CDC42BPA: variants seen among roughly 807,000 people sequenced by gnomAD.
CDC42BPA encodes the protein CDC42 binding protein kinase alpha.
Under a neutral mutation model 223.5 loss-of-function variants are expected in CDC42BPA, and 80 were observed. That is an observed-to-expected ratio of 0.36 (90% CI 0.30 to 0.43). The LOEUF is 0.43. CDC42BPA is among the 20% of genes least tolerant of loss of function. The pLI is 1.00. For missense variants in CDC42BPA, 1,743 were observed against 2,099.9 expected (o/e 0.83, Z 3.32); for synonymous variants, 694 against 718.6 (o/e 0.97, Z 0.55).
At chr1:227,136,628 T>C (rs1287796033) in intron 10 of CDC42BPA, among the ~76,000 whole-genome samples, 3 of 152,166 alleles carry the variant, frequency 2.0e-5, no homozygotes, top group Non-Finnish European at 4.4e-5. Flanking sequence ...GTTAAGGACA[T>C]AATACTGAAA....
chr1:227,069,614 A>G, intron 21 of CDC42BPA, 163 bp downstream of exon 21: 1 of 493,942 alleles, frequency 2.0e-6, no homozygotes, highest in South Asian at 3.6e-5. Context: ...TAGTCTCCAT[A>G]AGAATGCAGA....
intron 1 of CDC42BPA, among the ~76,000 whole-genome samples, chr1:227,295,744 GGA>G (rs1224627843): frequency 6.6e-6 from 1 of 152,214 alleles, no homozygotes; most frequent in Non-Finnish European, 1.5e-5. Flanking sequence ...GGCCATCCTT[GGA>G]GTATGGCCCT....
chr1:227,034,765 C>A lies in CDC42BPA; in HGVS notation c.3366G>T (p.Gly1122=), dbSNP rs776659038. ...RIPKPAGVKK[G]WQRALAIVCD... is the part of the protein sequence containing the mutation. Reference sequence around the variant, plus strand: ...ACACTATAGCCAGTGCTCTCTGCCACCCTTTCTTCACTCCAGCTGGCTTAG... The same window carrying A: ...ACACTATAGCCAGTGCTCTCTGCCAACCTTTCTTCACTCCAGCTGGCTTAG... The change falls in exon 26 of 37, where the codon GGG becomes GGT. Residue 1122 remains glycine, a synonymous_variant. Transcript: ENST00000366766. 6.2e-7 allele frequency: 1 copy of A among 1,612,036 alleles called. No homozygotes were observed. The highest frequency in any genetic ancestry group is 1.1e-5 in the South Asian group (1 of 90,686).
chr1:227,145,240 C>G (rs1486254514), intron 8 of CDC42BPA, among the ~76,000 whole-genome samples: 1 of 152,086 alleles, frequency 6.6e-6, no homozygotes, highest in African/African-American at 2.4e-5. Flanking sequence ...AGCTTAATGG[C>G]ATAACTTATC....
chr1:227,245,571 G>A (rs566847572), intron 2 of CDC42BPA, among the ~76,000 whole-genome samples: 59 of 152,216 alleles, frequency 3.9e-4, no homozygotes, highest in Admixed American at 1.0e-3. Context: ...GATTACAGGC[G>A]TAAGCCACCA....
chr1:227,301,361 CAT>C (rs1491422067), intron 1 of CDC42BPA, among the ~76,000 whole-genome samples: 41 of 144,920 alleles, frequency 2.8e-4, no homozygotes, highest in East Asian at 9.9e-4. Flanking sequence ...AGGATGTAGA[CAT>C]TTTTTTTTTT....
intron 6 of CDC42BPA, among the ~76,000 whole-genome samples, chr1:227,149,699 A>G (rs1214758250): frequency 6.6e-6 from 1 of 152,212 alleles, no homozygotes; most frequent in Non-Finnish European, 1.5e-5. Context: ...CGAGAATAAT[A>G]AACCTGAAGA....
rs76523900 is a variant in CDC42BPA at position 227,149,120 on chromosome 1, G to T, written c.694-1561C>A. 4.6e-3 allele frequency among the ~76,000 whole-genome samples: 700 copies of T among 152,168 alleles called. 4 individuals carry two copies. Among genetic ancestry groups the T allele is most frequent in the African/African-American group, 0.016 (671 of 41,500 alleles). On this transcript the variant is annotated intron_variant, in intron 6 of 36. Transcript: ENST00000366766. ...TTAAAACGTATACTGTAAGAAAAACGGTACATTATAAAAATCTGCCACAAA... is the reference window on the plus strand; with the variant it reads ...TTAAAACGTATACTGTAAGAAAAACTGTACATTATAAAAATCTGCCACAAA...
At chr1:227,272,167 T>C (rs551444666) in intron 1 of CDC42BPA, among the ~76,000 whole-genome samples, 3 of 152,260 alleles carry the variant, frequency 2.0e-5, no homozygotes, top group South Asian at 4.1e-4. Flanking sequence ...CCTATAAGAA[T>C]AAATGTAGGA....
At chr1:227,094,639 G>A (rs538152808) in intron 15 of CDC42BPA, among the ~76,000 whole-genome samples, 1 of 152,286 alleles carries the variant, frequency 6.6e-6, no homozygotes, top group South Asian at 2.1e-4. Flanking sequence ...TCAGAAGGGT[G>A]TTACCCCAAG....
At chr1:227,060,143 T>C (rs954651002) in intron 21 of CDC42BPA, among the ~76,000 whole-genome samples, 17 of 148,264 alleles carry the variant, frequency 1.1e-4, no homozygotes, top group African/African-American at 4.0e-4. Flanking sequence ...GCCATTCTCC[T>C]ACCTCAGCCT....
At chr1:227,244,084 G>A (rs755190650) in intron 2 of CDC42BPA, among the ~76,000 whole-genome samples, 1 of 151,586 alleles carries the variant, frequency 6.6e-6, no homozygotes, top group African/African-American at 2.4e-5. Flanking sequence ...ACTGTTGACG[G>A]GAATATAAAT....
chr1:227,176,453 C>T (rs969097044), intron 5 of CDC42BPA, among the ~76,000 whole-genome samples: 12 of 152,184 alleles, frequency 7.9e-5, no homozygotes, highest in African/African-American at 2.9e-4. Flanking sequence ...ATACTGTCAC[C>T]ACTAATTTGA....
At chr1:227,107,674 G>A (rs920420052) in intron 14 of CDC42BPA, among the ~76,000 whole-genome samples, 3 of 152,182 alleles carry the variant, frequency 2.0e-5, no homozygotes, top group African/African-American at 7.2e-5. Context: ...TTGTTAGAAG[G>A]TGGCCTGTCT....
chr1:227,267,599 G>A (rs894908470), intron 1 of CDC42BPA, among the ~76,000 whole-genome samples: 2 of 152,158 alleles, frequency 1.3e-5, no homozygotes, highest in African/African-American at 4.8e-5. Flanking sequence ...TACTACCTGA[G>A]ACTGGGTAAT....
chr1:227,147,896 TAAA>T (rs35057127), intron 6 of CDC42BPA, among the ~76,000 whole-genome samples: 3 of 146,734 alleles, frequency 2.0e-5, no homozygotes, highest in Admixed American at 1.4e-4. Flanking sequence ...CCTATACGTG[TAAA>T]AAAAAAAAAA....
intron 7 of CDC42BPA, among the ~76,000 whole-genome samples, chr1:227,146,952 T>C (rs1420859737): frequency 6.6e-6 from 1 of 152,188 alleles, no homozygotes; most frequent in East Asian, 1.9e-4. Flanking sequence ...CTATTTTTCT[T>C]TTGATCTTTG....
At chr1:227,134,742 G>A (rs1233334238) in intron 10 of CDC42BPA, among the ~76,000 whole-genome samples, 1 of 151,968 alleles carries the variant, frequency 6.6e-6, no homozygotes, top group African/African-American at 2.4e-5. Context: ...ATACCAAAAG[G>A]CAATGATCTT....
At chr1:227,010,836 ACAT>A (rs772615014) in intron 34 of CDC42BPA, 12 of 1,214,422 alleles carry the variant, frequency 9.9e-6, no homozygotes, top group Non-Finnish European at 1.2e-5. Context: ...GGAAATCCAT[ACAT>A]GGTTAGTGAA....
Sources: allele counts gnomAD v4.1 joint callset (sites outside exome capture counted in the v4.1 genomes callset), GRCh38; gene constraint gnomAD v4.1.1; transcripts MANE v1.5; gene names NCBI Gene and HGNC (gene_info 2026-07-23, HGNC 2026-07-21).